SAXO1: variants seen among roughly 807,000 people sequenced by gnomAD.
The protein encoded by SAXO1 is 4930500O09Rik.
SAXO1 carries 21 observed loss-of-function variants against 17.5 expected under a neutral mutation model. The observed-to-expected ratio is 1.20, with a 90% CI of 0.85 to 1.72. The LOEUF (loss-of-function observed/expected upper bound fraction) is 1.72. Ranked by LOEUF, SAXO1 falls within the 40% of genes most tolerant of loss-of-function variation. The probability of loss-of-function intolerance (pLI) is 0.00; values close to 1 mark genes in which losing one functional copy is unlikely to be tolerated. For missense variants in SAXO1, 843 were observed against 596.0 expected, an observed-to-expected ratio of 1.41 and a Z score of -4.32; for synonymous variants, 274 against 216.5, an observed-to-expected ratio of 1.27 and a Z score of -2.33.
At position 18,941,852 on chromosome 9, in the gene SAXO1, A is replaced by G; in HGVS notation, c.219-13T>C. Reference sequence around the variant, plus strand: ...CCCAAAATCTCTCCTGTAAGGAAGCAAGTGCATGCTGTTGGGGTCCTTGGC... The same window carrying G: ...CCCAAAATCTCTCCTGTAAGGAAGCGAGTGCATGCTGTTGGGGTCCTTGGC... On this transcript the variant is annotated splice_polypyrimidine_tract_variant and intron_variant, in intron 2 of 3. Transcript: ENST00000380534. 1.2e-6 allele frequency: 2 copies of G among 1,613,946 alleles called. No homozygotes were observed. The highest frequency in any genetic ancestry group is 8.5e-7 in the Non-Finnish European group (1 of 1,179,818).
At position 18,950,950 on chromosome 9, in the gene SAXO1, C is replaced by G. The variant is rs749885304; in HGVS notation, c.39-13G>C. 3.7e-6 allele frequency: 6 copies of G among 1,608,154 alleles called. No individual in the cohort carries two copies. The highest frequency in any genetic ancestry group is 5.1e-6 in the Non-Finnish European group (6 of 1,177,472). On this transcript the variant is annotated splice_polypyrimidine_tract_variant and intron_variant, in intron 1 of 3. Coordinates refer to ENST00000380534, the MANE Select transcript of SAXO1 (RefSeq NM_153707.4). ...ACAGTGATGCCGCCTATAAAAGACA[C>G]AGAGTTAGGTTGATTACCTTCTTGG... is the stretch of plus-strand genomic sequence containing the variant.
At chr9:18,961,826 G>T (rs1236248500) in intron 1 of SAXO1, among the ~76,000 whole-genome samples, 3 of 152,140 alleles carry the variant, frequency 2.0e-5, no homozygotes, top group Non-Finnish European at 4.4e-5. Flanking sequence ...ATAGTAGAAT[G>T]ATGTACCTAT....
intron 1 of SAXO1, among the ~76,000 whole-genome samples, chr9:19,018,177 A>AC (rs1467051200): frequency 1.3e-5 from 2 of 152,054 alleles, no homozygotes; most frequent in African/African-American, 2.4e-5. Flanking sequence ...CAAAAAAAAA[A>AC]AAACAAACAA....
intron 1 of SAXO1, among the ~76,000 whole-genome samples, chr9:19,019,992 C>G (rs1052762186): frequency 1.3e-5 from 2 of 150,164 alleles, no homozygotes; most frequent in Admixed American, 6.7e-5. Context: ...TCCATATAAA[C>G]TGGCCATCCT....
chr9:18,980,781 G>GAAAAAAAAA lies in SAXO1; in HGVS notation c.39-29853_39-29845dup, dbSNP rs10640487. On this transcript the variant is annotated intron_variant, in intron 1 of 3. Coordinates refer to ENST00000380534, the MANE Select transcript of SAXO1 (RefSeq NM_153707.4). ...AGGAGAAGCATATTTTTAAAAAACT[G>GAAAAAAAAA]AAAAAAAAAAAAAAAAAAGCCTGGA... 2.4e-4 allele frequency among the ~76,000 whole-genome samples: 20 copies of GAAAAAAAAA among 83,892 alleles called. 2 individuals carry two copies. Among genetic ancestry groups the GAAAAAAAAA allele is most frequent in the African/African-American group, 6.4e-4 (12 of 18,800 alleles). The allele number at this position is 83,892 out of a possible 152,430, so 55.0% of individuals were successfully genotyped here.
chr9:19,022,055 C>G (rs144864746), intron 1 of SAXO1, among the ~76,000 whole-genome samples: 123 of 152,306 alleles, frequency 8.1e-4, no homozygotes, highest in African/African-American at 2.8e-3. Context: ...GCTGCTCACT[C>G]CTTGGGTCCG....
chr9:18,957,948 C>G (rs1832322404), intron 1 of SAXO1, among the ~76,000 whole-genome samples: 1 of 152,160 alleles, frequency 6.6e-6, no homozygotes, highest in Non-Finnish European at 1.5e-5. Context: ...GACAAGTAAA[C>G]TGCAAAATAT....
chr9:18,952,194 T>G (rs1832064078), intron 1 of SAXO1, among the ~76,000 whole-genome samples: 1 of 152,224 alleles, frequency 6.6e-6, no homozygotes, highest in Non-Finnish European at 1.5e-5. Flanking sequence ...CCTCTCATCA[T>G]CAGGCACCAG....
intron 1 of SAXO1, among the ~76,000 whole-genome samples, chr9:18,997,811 G>C (rs567845247): frequency 6.6e-6 from 1 of 152,324 alleles, no homozygotes; most frequent in East Asian, 1.9e-4. Context: ...GCCTCTGCTG[G>C]TGATACAAGG....
At chr9:19,009,160 T>C (rs1483500947) in intron 1 of SAXO1, among the ~76,000 whole-genome samples, 1 of 152,108 alleles carries the variant, frequency 6.6e-6, no homozygotes, top group East Asian at 1.9e-4. Context: ...GAATAAAAAC[T>C]ATGCAAACAA....
intron 3 of SAXO1, among the ~76,000 whole-genome samples, chr9:18,937,625 C>A (rs918960908): frequency 2.0e-5 from 3 of 152,102 alleles, no homozygotes; most frequent in Non-Finnish European, 4.4e-5. Context: ...TTGCATCATG[C>A]AGGCTCCACC....
At chr9:19,038,607 T>G (rs1172796807) in intron 1 of SAXO1, among the ~76,000 whole-genome samples, 2 of 77,176 alleles carry the variant, frequency 2.6e-5, no homozygotes, top group Non-Finnish European at 4.7e-5. Flanking sequence ...GGGACTGTTG[T>G]GGGGTGGGGG....
chr9:18,957,375 A>T (rs1347915866), intron 1 of SAXO1, among the ~76,000 whole-genome samples: 1 of 152,186 alleles, frequency 6.6e-6, no homozygotes. Flanking sequence ...CAGTATACAG[A>T]TGTGGATGCT....
chr9:19,007,945 G>T (rs1053058965), intron 1 of SAXO1, among the ~76,000 whole-genome samples: 1 of 151,218 alleles, frequency 6.6e-6, no homozygotes, highest in Non-Finnish European at 1.5e-5. Context: ...GATACAGTCT[G>T]CAAGTCCTCA....
At chr9:18,989,888 T>C (rs1460691298) in intron 1 of SAXO1, among the ~76,000 whole-genome samples, 1 of 152,210 alleles carries the variant, frequency 6.6e-6, no homozygotes, top group Non-Finnish European at 1.5e-5. Context: ...TCTTACAGAT[T>C]GTAACCTTTG....
At chr9:18,940,394 G>A (rs1342252572) in intron 3 of SAXO1, among the ~76,000 whole-genome samples, 3 of 152,202 alleles carry the variant, frequency 2.0e-5, no homozygotes, top group Non-Finnish European at 4.4e-5. Flanking sequence ...TAAAAGGGCA[G>A]AGCCCAGGTT....
chr9:18,999,964 C>A (rs1474042697), intron 1 of SAXO1, among the ~76,000 whole-genome samples: 9 of 145,414 alleles, frequency 6.2e-5, no homozygotes, highest in Non-Finnish European at 1.3e-4. Context: ...GTGCCTCTAC[C>A]CAGCCGCCCC....
chr9:18,930,456 G>A (rs1830991330), intron 3 of SAXO1, among the ~76,000 whole-genome samples: 1 of 151,984 alleles, frequency 6.6e-6, no homozygotes, highest in African/African-American at 2.4e-5. Flanking sequence ...TGAGAAAAAT[G>A]GGATGACAAA....
At chr9:18,966,856 T>G (rs1329556797) in intron 1 of SAXO1, among the ~76,000 whole-genome samples, 1 of 152,260 alleles carries the variant, frequency 6.6e-6, no homozygotes, top group Non-Finnish European at 1.5e-5. Flanking sequence ...CTTTTTGCAC[T>G]GTTTCCTCCT....
Sources: allele counts gnomAD v4.1 joint callset (sites outside exome capture counted in the v4.1 genomes callset), GRCh38; gene constraint gnomAD v4.1.1; transcripts MANE v1.5; gene names NCBI Gene and HGNC (gene_info 2026-07-23, HGNC 2026-07-21).